ADAMTS19: variants seen among roughly 807,000 people sequenced by gnomAD.
ADAMTS19 encodes the protein A disintegrin and metalloproteinase with thrombospondin motifs 19.
Under a neutral mutation model 153.3 loss-of-function variants are expected in ADAMTS19, and 93 were observed. The observed-to-expected ratio is 0.61, with a 90% CI of 0.51 to 0.72. The LOEUF (loss-of-function observed/expected upper bound fraction) is 0.72, where lower values mean the gene tolerates loss of function less well. Among genes scored for constraint, ADAMTS19 ranks in the 30% least tolerant of loss-of-function variants. ADAMTS19 has a pLI of 0.00. For missense variants in ADAMTS19, 1,482 were observed against 1,552.1 expected (o/e 0.95, Z 0.76); for synonymous variants, 600 against 556.6 (o/e 1.08, Z -1.10).
Position 129,514,996 on chromosome 5 carries a change from C to G in ADAMTS19, c.913+5754C>G, listed in dbSNP as rs138292061. On this transcript the variant is annotated intron_variant, in intron 3 of 22. Coordinates refer to ENST00000274487, the MANE Select transcript of ADAMTS19 (RefSeq NM_133638.6). ...TGAGAGATAGGGATAAAGTTTCATT[C>G]TTTTGCAAATGGATATTCAGTTTTC... Among the ~76,000 whole-genome samples, 573 of 152,142 alleles carry G rather than the reference C, an allele frequency of 3.8e-3. 1 individual carries two copies. The highest frequency in any genetic ancestry group is 0.01 in the African/African-American group (417 of 41,550).
intron 6 of ADAMTS19, among the ~76,000 whole-genome samples, chr5:129,546,080 T>C (rs1198692487): frequency 2.0e-5 from 3 of 148,722 alleles, no homozygotes; most frequent in South Asian, 2.1e-4. Context: ...GTTCATGTCC[T>C]TTGTAGGGAC....
In ADAMTS19 at chr5:129,641,823, C is replaced by A. The variant is rs1184387066; in HGVS notation, c.1771-36C>A. Reference sequence around the variant, plus strand: ...TGGCTTCACTTAAAAAAATGTGATACCTTCCCCTTATTAGTTATTGTGCCT... The same window carrying A: ...TGGCTTCACTTAAAAAAATGTGATAACTTCCCCTTATTAGTTATTGTGCCT... On this transcript the variant is annotated intron_variant, in intron 10 of 22. Coordinates refer to ENST00000274487, the MANE Select transcript of ADAMTS19 (RefSeq NM_133638.6). 4.4e-6 allele frequency: 6 copies of A among 1,374,946 alleles called. No individual in the cohort carries two copies. The Admixed American group carries it at 5.7e-5, about 13-fold the overall frequency. 85.2% of individuals were successfully genotyped at this position (1,374,946 alleles called of 1,614,324 possible). A position where few individuals can be genotyped will look rare whatever the true frequency, so the allele number is the denominator to read the frequency against.
chr5:129,564,185 G>C (rs1753623433), intron 7 of ADAMTS19, among the ~76,000 whole-genome samples: 1 of 152,108 alleles, frequency 6.6e-6, no homozygotes. Context: ...TTTGTAAGCT[G>C]ATACTTTCCA....
intron 8 of ADAMTS19, among the ~76,000 whole-genome samples, chr5:129,616,540 G>A (rs1431059735): frequency 6.6e-6 from 1 of 151,988 alleles, no homozygotes; most frequent in East Asian, 1.9e-4. Context: ...AAATCCAAAT[G>A]CTTCTCCAGC....
chr5:129,701,396 T>A lies in ADAMTS19; in HGVS notation c.2963T>A (p.Met988Lys). The change falls in exon 20 of 23, where the codon ATG (methionine) becomes AAG (lysine). Residue 988 changes from methionine to lysine, a missense_variant. Physicochemically the swap from Met to Lys is moderately conservative, Grantham distance 95. Around this residue, in one of 2 missense-constraint regions of ADAMTS19, gnomAD observed 616 missense variants for 724.4 expected, o/e 0.85. Transcript: ENST00000274487. The part of the protein sequence containing the change: ...NEQPCQTRWM[M>K]TEWTPCSRTC... ...TCTTGCTTTACTTTCAGGTGGATGATGACAGAATGGACCCCTTGTTCACGA... is the reference window on the plus strand; with the variant it reads ...TCTTGCTTTACTTTCAGGTGGATGAAGACAGAATGGACCCCTTGTTCACGA... 1 of 1,614,206 alleles carries A rather than the reference T, an allele frequency of 6.2e-7. No individual in the cohort carries two copies. Among genetic ancestry groups the A allele is most frequent in the South Asian group, 1.1e-5 (1 of 91,086 alleles).
At chr5:129,534,476 C>T (rs541812277) in intron 6 of ADAMTS19, among the ~76,000 whole-genome samples, 78 of 152,212 alleles carry the variant, frequency 5.1e-4, no homozygotes, top group African/African-American at 1.7e-3. Flanking sequence ...GGATTCACAG[C>T]CGAATTCTAC....
At chr5:129,550,862 G>A (rs1170680620) in intron 6 of ADAMTS19, among the ~76,000 whole-genome samples, 1 of 151,502 alleles carries the variant, frequency 6.6e-6, no homozygotes, top group Non-Finnish European at 1.5e-5. Flanking sequence ...GAACCTAAAA[G>A]CTTATTGCTA....
chr5:129,653,999 C>T (rs1561629326), intron 13 of ADAMTS19, among the ~76,000 whole-genome samples: 1 of 151,914 alleles, frequency 6.6e-6, no homozygotes, highest in Non-Finnish European at 1.5e-5. Flanking sequence ...TTGGGGTGTG[C>T]CAATATTATT....
chr5:129,669,052 T>A (rs1012553753), intron 16 of ADAMTS19, among the ~76,000 whole-genome samples: 2 of 151,356 alleles, frequency 1.3e-5, no homozygotes, highest in African/African-American at 4.9e-5. Flanking sequence ...TCTAAACCAA[T>A]GGAAAAGATT....
chr5:129,732,314 A>G (rs1561675975), intron 21 of ADAMTS19, among the ~76,000 whole-genome samples: 1 of 152,172 alleles, frequency 6.6e-6, no homozygotes, highest in Non-Finnish European at 1.5e-5. Context: ...TAGCCCTGGA[A>G]GTCCTGGCCA....
At chr5:129,534,291 A>C (rs1185170028) in intron 6 of ADAMTS19, among the ~76,000 whole-genome samples, 2 of 151,996 alleles carry the variant, frequency 1.3e-5, no homozygotes, top group African/African-American at 4.8e-5. Context: ...GTATTGGGTA[A>C]ACACCTCTAC....
chr5:129,643,448 A>C (rs1005091154), intron 11 of ADAMTS19, among the ~76,000 whole-genome samples: 3 of 150,856 alleles, frequency 2.0e-5, no homozygotes, highest in African/African-American at 7.3e-5. Flanking sequence ...ACCTCTTGGG[A>C]GGGAAGTAGA....
At chr5:129,467,496 C>T (rs184845320) in intron 2 of ADAMTS19, among the ~76,000 whole-genome samples, 4 of 152,200 alleles carry the variant, frequency 2.6e-5, no homozygotes, top group African/African-American at 7.2e-5. Flanking sequence ...GGACCCAAAT[C>T]TAGATATACA....
chr5:129,520,261 C>T (rs1250164606), intron 3 of ADAMTS19, among the ~76,000 whole-genome samples: 2 of 152,146 alleles, frequency 1.3e-5, no homozygotes, highest in African/African-American at 4.8e-5. Context: ...TCCTTCTGAA[C>T]CCCCTGGATG....
rs1752673001 is a variant in ADAMTS19 at position 129,638,937 on chromosome 5, A to G, written c.1771-2922A>G. Among the ~76,000 whole-genome samples, 4 of 152,340 alleles carry G rather than the reference A, an allele frequency of 2.6e-5. No individual in the cohort carries two copies. In the South Asian group the frequency reaches 6.2e-4, roughly 24 times the overall value. On this transcript the variant is annotated intron_variant, in intron 10 of 22. Coordinates refer to ENST00000274487, the MANE Select transcript of ADAMTS19 (RefSeq NM_133638.6). ...TTCCATTTCAATACATAGTACATTT[A>G]TGTAATATTTAAAAACCTATTTGAG... is the stretch of plus-strand genomic sequence containing the variant.
At chr5:129,696,868 G>C (rs933623891) in intron 19 of ADAMTS19, among the ~76,000 whole-genome samples, 1 of 152,160 alleles carries the variant, frequency 6.6e-6, no homozygotes, top group East Asian at 1.9e-4. Flanking sequence ...ATATTATGTA[G>C]ATGAAGTCTC....
chr5:129,554,787 C>T (rs541437081), intron 7 of ADAMTS19, among the ~76,000 whole-genome samples: 2 of 152,160 alleles, frequency 1.3e-5, no homozygotes, highest in African/African-American at 4.8e-5. Context: ...TTTTCATTTA[C>T]AGGGCAAGAA....
chr5:129,480,414 A>G (rs369090011), intron 2 of ADAMTS19, among the ~76,000 whole-genome samples: 14 of 152,330 alleles, frequency 9.2e-5, no homozygotes, highest in Admixed American at 7.2e-4. Flanking sequence ...GGACATCTTA[A>G]GTATTAAAAT....
At chr5:129,663,879 T>C (rs1581202024) in intron 15 of ADAMTS19, among the ~76,000 whole-genome samples, 1 of 152,218 alleles carries the variant, frequency 6.6e-6, no homozygotes, top group Non-Finnish European at 1.5e-5. Flanking sequence ...TGAATTATTT[T>C]ATTCAAGTGC....
Sources: allele counts gnomAD v4.1 joint callset (sites outside exome capture counted in the v4.1 genomes callset), GRCh38; gene constraint gnomAD v4.1.1; regional missense constraint gnomAD v4.1.1; transcripts MANE v1.5; gene names NCBI Gene and HGNC (gene_info 2026-07-23, HGNC 2026-07-21).